The following PKNOX1 variants were observed in gnomAD, a reference collection of about 807,000 sequenced individuals.
The protein encoded by PKNOX1 is homeobox protein PKNOX1.
Under a neutral mutation model 51.9 loss-of-function variants are expected in PKNOX1, and 15 were observed. The ratio of observed to expected loss-of-function variants is 0.29; its 90% CI spans 0.19 to 0.45. The LOEUF (loss-of-function observed/expected upper bound fraction) is 0.45. Among genes scored for constraint, PKNOX1 ranks in the 20% least tolerant of loss-of-function variants. The probability of loss-of-function intolerance (pLI) is 1.00; values close to 1 mark genes in which losing one functional copy is unlikely to be tolerated. For synonymous variants in PKNOX1, 219 were observed against 211.1 expected, an observed-to-expected ratio of 1.04 and a Z score of -0.32; for missense variants, 462 against 547.5, an observed-to-expected ratio of 0.84 and a Z score of 1.56.
chr21:42,979,558 C>G (rs943446834), intron 1 of PKNOX1, among the ~76,000 whole-genome samples: 14 of 152,198 alleles, frequency 9.2e-5, no homozygotes, highest in African/African-American at 1.4e-4. Flanking sequence ...CTGGCTAACA[C>G]TGTGAAACCC....
At chr21:43,008,051 C>T (rs1297643435) in intron 3 of PKNOX1, among the ~76,000 whole-genome samples, 1 of 86,710 alleles carries the variant, frequency 1.2e-5, no homozygotes, top group Non-Finnish European at 2.1e-5. Flanking sequence ...GCAACGAGAG[C>T]AAAACTCTGT....
chr21:43,008,061 T>TCTCTCACACACACACACACACACACACA (rs59792199), intron 3 of PKNOX1, among the ~76,000 whole-genome samples: 1 of 146,776 alleles, frequency 6.8e-6, no homozygotes, highest in Non-Finnish European at 1.5e-5. Context: ...CAAAACTCTG[T>TCTCTCACACACACACACACACACACACA]CACACACACA....
At chr21:43,019,302 G>A (rs559597126) in intron 7 of PKNOX1, among the ~76,000 whole-genome samples, 3 of 147,886 alleles carry the variant, frequency 2.0e-5, no homozygotes, top group Admixed American at 6.8e-5. Flanking sequence ...TGAGGCAGGA[G>A]AATTGCTTGA....
At position 43,024,986 on chromosome 21, in the gene PKNOX1, G is replaced by A. The variant is rs181025479; in HGVS notation, c.926+39G>A. 4.4e-4 allele frequency: 565 copies of A among 1,284,448 alleles called. 3 individuals are homozygous for A. In the African/African-American group the frequency reaches 7.1e-3, roughly 16 times the overall value. 79.6% of individuals were successfully genotyped at this position (1,284,448 alleles called of 1,614,324 possible). On this transcript the variant is annotated intron_variant, in intron 9 of 10. Coordinates refer to ENST00000291547, the MANE Select transcript of PKNOX1 (RefSeq NM_004571.5). ...CTTCCTGAAATCATGCTGTCAGCAC[G>A]GTAGAGCACTTGGAAACCCTGGCAC...
intron 1 of PKNOX1, among the ~76,000 whole-genome samples, chr21:42,984,780 C>G (rs919313418): frequency 1.3e-5 from 2 of 151,878 alleles, no homozygotes; most frequent in Non-Finnish European, 2.9e-5. Context: ...TTTTGCCATC[C>G]GAAAGCTGGA....
Position 43,018,474 on chromosome 21 carries a change from CCACACACACACACACACACA to C in PKNOX1, c.720+275_720+294del, listed in dbSNP as rs555017462. 1.4e-4 allele frequency among the ~76,000 whole-genome samples: 2 copies of C among 14,438 alleles called. 1 individual carries two copies. The highest frequency in any genetic ancestry group is 2.4e-3 in the East Asian group (2 of 844). 9.5% of individuals were successfully genotyped at this position (14,438 alleles called of 152,430 possible). On this transcript the variant is annotated intron_variant, in intron 7 of 10. Coordinates refer to ENST00000291547, the MANE Select transcript of PKNOX1 (RefSeq NM_004571.5). Reference sequence around the variant, plus strand: ...GTCACTCATAACCACCCCCTGCCACCCACACACACACACACACACACACACACACACACACACACACACAC... The same window carrying C: ...GTCACTCATAACCACCCCCTGCCACCCACACACACACACACACACACACAC...
chr21:43,029,107 T>G (rs1980113217), intron 10 of PKNOX1: 2 of 586,742 alleles, frequency 3.4e-6, no homozygotes, highest in East Asian at 5.7e-5. Context: ...GATAGAGATA[T>G]GAAATCATTA....
rs1047086912 is a variant in PKNOX1, at chr21:43,033,035, T to C, written c.*2934T>C. ...AGATTCGGTTCCAGTTTTATTCTTGTTGAGTTTTTCCCTATGAAGGCTCCT... is the reference window on the plus strand; with the variant it reads ...AGATTCGGTTCCAGTTTTATTCTTGCTGAGTTTTTCCCTATGAAGGCTCCT... On this transcript the variant is annotated 3_prime_UTR_variant, in exon 11 of 11. Coordinates refer to ENST00000291547, the MANE Select transcript of PKNOX1 (RefSeq NM_004571.5). 5 of 152,194 alleles carry C rather than the reference T, an allele frequency of 3.3e-5. No individual in the cohort carries two copies. Among genetic ancestry groups the C allele is most frequent in the African/African-American group, 1.2e-4 (5 of 41,436 alleles). The allele number at this position is 152,194 out of a possible 1,614,324, so 9.4% of individuals were successfully genotyped here.
intron 2 of PKNOX1, 127 bp from the exon 3 acceptor site, chr21:43,007,364 C>G: frequency 1.2e-6 from 1 of 826,194 alleles, no homozygotes; most frequent in Non-Finnish European, 2.0e-6. Flanking sequence ...TGGTAGCATT[C>G]TTTACATATG....
rs1005096322 is a variant in PKNOX1, at chr21:43,033,880, G to A, written c.*3779G>A. ...AATCTAATTATTTTGATAGTTACAAGAAGATAATGATTCATCAGTAAGCTA... is the reference window on the plus strand; with the variant it reads ...AATCTAATTATTTTGATAGTTACAAAAAGATAATGATTCATCAGTAAGCTA... On this transcript the variant is annotated 3_prime_UTR_variant, in exon 11 of 11. Coordinates refer to ENST00000291547, the MANE Select transcript of PKNOX1 (RefSeq NM_004571.5). The A allele has an allele frequency of 6.6e-5, 10 of 152,158 alleles. No homozygotes were observed. Among genetic ancestry groups the A allele is most frequent in the Non-Finnish European group, 1.3e-4 (9 of 68,026 alleles). 9.4% of individuals were successfully genotyped at this position (152,158 alleles called of 1,614,324 possible).
rs1980374724 is a variant in PKNOX1 at position 43,033,577 on chromosome 21, G to A, written c.*3476G>A. ...GCAAAAAAATTAAAAATAGAAACTT[G>A]CTTTATGGATGTTTTATTTTATAAA... is the stretch of plus-strand genomic sequence containing the variant. On this transcript the variant is annotated 3_prime_UTR_variant, in exon 11 of 11. Transcript: ENST00000291547. 1 of 152,380 alleles carries A rather than the reference G, an allele frequency of 6.6e-6. No individual in the cohort carries two copies. The highest frequency in any genetic ancestry group is 1.5e-5 in the Non-Finnish European group (1 of 68,008). The allele number at this position is 152,380 out of a possible 1,614,324, so 9.4% of individuals were successfully genotyped here.
Position 43,030,288 on chromosome 21 carries a change from T to TGTGC in PKNOX1, c.*190_*191insCGTG. On this transcript the variant is annotated 3_prime_UTR_variant, in exon 11 of 11. Coordinates refer to ENST00000291547, the MANE Select transcript of PKNOX1 (RefSeq NM_004571.5). The stretch of plus-strand genomic sequence containing the variant: ...GTGTGTGTGTGTGTGTGTGTGTGTG[T>TGTGC]GTGTGCGTGTGTGCGTGTGTGTGGA... 1 of 411,118 alleles carries TGTGC rather than the reference T, an allele frequency of 2.4e-6. No individual in the cohort carries two copies. Among genetic ancestry groups the TGTGC allele is most frequent in the Non-Finnish European group, 4.4e-6 (1 of 229,418 alleles). The allele number at this position is 411,118 out of a possible 1,614,324, so 25.5% of individuals were successfully genotyped here.
intron 5 of PKNOX1, among the ~76,000 whole-genome samples, chr21:43,015,016 T>C (rs1240285694): frequency 6.6e-6 from 1 of 152,262 alleles, no homozygotes; most frequent in Non-Finnish European, 1.5e-5. Context: ...TGTCTCTCCA[T>C]TGATTGACAA....
At chr21:43,005,288 A>G (rs1390185207) in intron 2 of PKNOX1, among the ~76,000 whole-genome samples, 2 of 152,042 alleles carry the variant, frequency 1.3e-5, no homozygotes, top group African/African-American at 4.8e-5. Flanking sequence ...CGGAAAACTC[A>G]CTGGAGCCAT....
intron 4 of PKNOX1, among the ~76,000 whole-genome samples, chr21:43,011,073 T>C (rs1269477944): frequency 1.4e-5 from 2 of 146,238 alleles, no homozygotes; most frequent in Non-Finnish European, 3.0e-5. Flanking sequence ...TGTCTTTTTT[T>C]TTTTTTTTTT....
chr21:42,996,287 G>A (rs781330121), intron 1 of PKNOX1, among the ~76,000 whole-genome samples: 2 of 152,140 alleles, frequency 1.3e-5, no homozygotes, highest in Admixed American at 1.3e-4. Context: ...GTGTAGTGGG[G>A]GAGACCTAGG....
intron 8 of PKNOX1, among the ~76,000 whole-genome samples, chr21:43,024,271 C>T (rs1402821070): frequency 6.6e-6 from 1 of 152,146 alleles, no homozygotes; most frequent in Non-Finnish European, 1.5e-5. Context: ...TTTCCTACTC[C>T]ACCTGTTTCA....
intron 8 of PKNOX1, among the ~76,000 whole-genome samples, chr21:43,023,740 G>A (rs952558720): frequency 1.3e-5 from 2 of 151,456 alleles, no homozygotes; most frequent in Admixed American, 6.6e-5. Context: ...TCAGCCTCCC[G>A]AATAGCTGGG....
intron 1 of PKNOX1, among the ~76,000 whole-genome samples, chr21:43,002,616 G>C (rs1407519797): frequency 6.6e-6 from 1 of 152,214 alleles, no homozygotes; most frequent in East Asian, 1.9e-4. Context: ...CACGGATTTT[G>C]TGAGGGCAGA....
Sources: allele counts gnomAD v4.1 joint callset (sites outside exome capture counted in the v4.1 genomes callset), GRCh38; gene constraint gnomAD v4.1.1; transcripts MANE v1.5; gene names NCBI Gene and HGNC (gene_info 2026-07-23, HGNC 2026-07-21).